The following TMEM132B variants were observed in gnomAD, a reference collection of about 807,000 sequenced individuals.
TMEM132B encodes the protein transmembrane protein 132B.
TMEM132B carries 18 observed loss-of-function variants against 90.8 expected under a neutral mutation model. The ratio of observed to expected loss-of-function variants is 0.20; its 90% CI spans 0.14 to 0.29. The LOEUF (loss-of-function observed/expected upper bound fraction) is 0.29, where lower values mean the gene tolerates loss of function less well. Ranked by LOEUF, TMEM132B falls within the 10% of genes least tolerant of loss-of-function variation. TMEM132B has a pLI of 1.00. For synonymous variants in TMEM132B, 504 were observed against 523.3 expected (o/e 0.96, Z 0.50); for missense variants, 1,096 against 1,326.8 (o/e 0.83, Z 2.70).
intron 2 of TMEM132B, among the ~76,000 whole-genome samples, chr12:125,389,586 A>G (rs1020745448): frequency 1.3e-5 from 2 of 152,034 alleles, no homozygotes; most frequent in Non-Finnish European, 2.9e-5. Context: ...CTGAAGATGG[A>G]GTTGTTATGA....
At chr12:125,358,846 A>G (rs1263851541) in intron 2 of TMEM132B, among the ~76,000 whole-genome samples, 5 of 152,200 alleles carry the variant, frequency 3.3e-5, no homozygotes, top group African/African-American at 1.2e-4. Flanking sequence ...GTTTTGCATC[A>G]TCCTTTTGCT....
intron 2 of TMEM132B, among the ~76,000 whole-genome samples, chr12:125,360,995 G>T (rs1022670806): frequency 6.6e-6 from 1 of 152,024 alleles, no homozygotes; most frequent in Admixed American, 6.6e-5. Flanking sequence ...AGTCTTTTGG[G>T]CTGTGAAGAG....
intron 1 of TMEM132B, among the ~76,000 whole-genome samples, chr12:125,279,286 A>T (rs924432): frequency 6.6e-6 from 1 of 152,016 alleles, no homozygotes; most frequent in Non-Finnish European, 1.5e-5. Context: ...AGCAGGCCTG[A>T]GACTGTTATC....
Position 125,644,215 on chromosome 12 carries a change from T to C in TMEM132B, c.1577T>C (p.Ile526Thr). 6.2e-7 allele frequency: 1 copy of C among 1,614,212 alleles called. No homozygotes were observed. ...TGGGCACCCAGGCTCCCCCTGCAGA[T>C]TGAGATCTCAGACACCGAGCTGAGC... is the stretch of plus-strand genomic sequence containing the variant. ...TVWAPRLPLQIEISDTELSQI... is the reference protein window; with the variant it reads ...TVWAPRLPLQTEISDTELSQI... Residue 526 changes from isoleucine (I) to threonine (T), a missense_variant, in exon 6 of 9, where the codon ATT becomes ACT. By Grantham distance (89) the Ile-to-Thr change is moderately conservative (BLOSUM62 -1). Transcript: ENST00000682704.
At chr12:125,189,943 C>T (rs573742426) in intron 1 of TMEM132B, among the ~76,000 whole-genome samples, 2 of 152,202 alleles carry the variant, frequency 1.3e-5, no homozygotes, top group African/African-American at 2.4e-5. Context: ...GGAGGGGGTC[C>T]ATTTCCCCTG....
At chr12:125,362,402 A>C (rs1339462695) in intron 2 of TMEM132B, among the ~76,000 whole-genome samples, 3 of 152,150 alleles carry the variant, frequency 2.0e-5, no homozygotes, top group Non-Finnish European at 4.4e-5. Flanking sequence ...TTGTTTTTTA[A>C]AAAAGAAACC....
chr12:125,494,184 C>G (rs907651015), intron 3 of TMEM132B, among the ~76,000 whole-genome samples: 1 of 140,918 alleles, frequency 7.1e-6, no homozygotes, highest in African/African-American at 2.7e-5. Flanking sequence ...CGTCCCTCCT[C>G]CCCCTCCTCC....
At chr12:125,390,129 C>G (rs1232749258) in intron 2 of TMEM132B, among the ~76,000 whole-genome samples, 1 of 152,212 alleles carries the variant, frequency 6.6e-6, no homozygotes, top group Non-Finnish European at 1.5e-5. Flanking sequence ...AGCAATTCCA[C>G]TCCTAGCTAA....
At position 125,349,711 on chromosome 12, in the gene TMEM132B, A is replaced by G. The variant is rs188154741; in HGVS notation, c.327A>G (p.Thr109=). 17 of 1,614,172 alleles carry G rather than the reference A, an allele frequency of 1.1e-5. No individual in the cohort carries two copies. The Admixed American group carries it at 2.7e-4, about 25-fold the overall frequency. The stretch of plus-strand genomic sequence containing the variant: ...TAATCCCCCAGGAGCTCCTGTTGAC[A>G]TCTACAGCCTTTGGAAACATGGACA... ...EKIIPQELLL[T]STAFGNMDKF... Residue 109 remains threonine, a synonymous_variant, in exon 2 of 9, where the codon ACA becomes ACG. Transcript: ENST00000682704. This position sits in a 1 kb window ranked among gnomAD's most constrained non-coding sequence, Gnocchi z 4.1.
intron 3 of TMEM132B, among the ~76,000 whole-genome samples, chr12:125,504,449 G>A (rs906920262): frequency 1.3e-5 from 2 of 152,148 alleles, no homozygotes; most frequent in Non-Finnish European, 2.9e-5. Context: ...TGTTTTGGGA[G>A]TGACTGAATC....
intron 3 of TMEM132B, among the ~76,000 whole-genome samples, chr12:125,448,249 CAA>C (rs956442701): frequency 7.1e-6 from 1 of 140,270 alleles, no homozygotes; most frequent in African/African-American, 2.6e-5. Flanking sequence ...AACTCTGTCT[CAA>C]AAAAAAAAAA....
intron 1 of TMEM132B, among the ~76,000 whole-genome samples, chr12:125,279,983 T>G (rs1007988641): frequency 1.3e-5 from 2 of 152,204 alleles, no homozygotes; most frequent in Non-Finnish European, 2.9e-5. Context: ...ACAACCATCC[T>G]TAGAGGTAGG....
At chr12:125,434,224 G>T (rs117959696) in intron 3 of TMEM132B, among the ~76,000 whole-genome samples, 1 of 152,070 alleles carries the variant, frequency 6.6e-6, no homozygotes, top group East Asian at 1.9e-4. Flanking sequence ...CTCATTCTCC[G>T]ACCCTGACGC....
chr12:125,260,124 G>A (rs1189793207), intron 1 of TMEM132B, among the ~76,000 whole-genome samples: 2 of 152,196 alleles, frequency 1.3e-5, no homozygotes, highest in African/African-American at 4.8e-5. Flanking sequence ...AGATCGAAGT[G>A]TATGTTGGTA....
intron 1 of TMEM132B, among the ~76,000 whole-genome samples, chr12:125,198,414 C>T (rs555738996): frequency 6.6e-5 from 10 of 152,276 alleles, no homozygotes; most frequent in African/African-American, 2.4e-4. Context: ...TGACTTAATT[C>T]TCAGACAGCC....
chr12:125,546,549 G>A (rs900798973), intron 4 of TMEM132B, among the ~76,000 whole-genome samples: 1 of 152,136 alleles, frequency 6.6e-6, no homozygotes, highest in African/African-American at 2.4e-5. Context: ...GAATCATATT[G>A]TATGTAATTT....
At chr12:125,627,998 C>G (rs1333850814) in intron 5 of TMEM132B, among the ~76,000 whole-genome samples, 1 of 152,160 alleles carries the variant, frequency 6.6e-6, no homozygotes. Flanking sequence ...AGAGCTCATT[C>G]TTTTTTATAG....
chr12:125,331,479 A>G lies in TMEM132B; in HGVS notation c.68-17973A>G, dbSNP rs182675170. 1.6e-3 allele frequency among the ~76,000 whole-genome samples: 246 copies of G among 152,256 alleles called. 1 individual carries two copies. The highest frequency in any genetic ancestry group is 5.4e-3 in the African/African-American group (223 of 41,558). On this transcript the variant is annotated intron_variant, in intron 1 of 8. Coordinates refer to ENST00000682704, the MANE Select transcript of TMEM132B (RefSeq NM_001366854.1). Reference sequence around the variant, plus strand: ...AGTCCACGGGTTTCGAGGTCGCGCTATGGTTAAAAGCAGCACATGAGCCCT... The same window carrying G: ...AGTCCACGGGTTTCGAGGTCGCGCTGTGGTTAAAAGCAGCACATGAGCCCT...
chr12:125,423,135 G>A (rs1880216341), intron 3 of TMEM132B, among the ~76,000 whole-genome samples: 1 of 152,184 alleles, frequency 6.6e-6, no homozygotes, highest in Admixed American at 6.5e-5. Flanking sequence ...TTAATGTGCA[G>A]CCCGGGCTGA....
Sources: gnomAD v4.1 joint callset for allele counts (sites outside exome capture counted in the v4.1 genomes callset) on GRCh38, gnomAD v4.1.1 for gene constraint, Gnocchi (gnomAD v3.1) non-coding constraint, MANE v1.5 for transcripts, NCBI Gene and HGNC (gene_info 2026-07-23, HGNC 2026-07-21) for gene names.